The following SARM1 variants were observed in gnomAD, a reference collection of about 807,000 sequenced individuals.
The protein encoded by SARM1 is NAD(+) hydrolase SARM1.
A neutral mutation model predicts 65.1 loss-of-function variants in SARM1; 60 were observed. The observed-to-expected ratio is 0.92, with a 90% CI of 0.75 to 1.14. The LOEUF (loss-of-function observed/expected upper bound fraction) is 1.14, where lower values mean the gene tolerates loss of function less well. Ranked by LOEUF, SARM1 falls within the 50% of genes most tolerant of loss-of-function variation. The probability of loss-of-function intolerance (pLI) is 0.00; values close to 1 mark genes in which losing one functional copy is unlikely to be tolerated. For missense variants in SARM1, 913 were observed against 1,015.7 expected, an observed-to-expected ratio of 0.90 and a Z score of 1.37; for synonymous variants, 417 against 465.4, an observed-to-expected ratio of 0.90 and a Z score of 1.34.
chr17:28,384,837 AG>A lies in SARM1; in HGVS notation c.1303del. On this transcript the variant is annotated splice_acceptor_variant, in intron 3 of 8. Transcript: ENST00000585482. LOFTEE classifies it high-confidence loss of function. The surrounding 1 kb of genome is among the most constrained non-coding windows in gnomAD (Gnocchi z 4.4). ...CTTCCTGACACCCGACTCCTCCCCC[AG>A]GAGCAGCAGGTGGATGGCGACCTGC... The A allele has an allele frequency of 5.8e-6, 9 of 1,552,494 alleles. No individual in the cohort carries two copies. Among genetic ancestry groups the A allele is most frequent in the Non-Finnish European group, 7.8e-6 (9 of 1,147,400 alleles).
intron 7 of SARM1, 59 bp downstream of exon 7, chr17:28,388,598 G>T (rs1555586469): frequency 1.3e-6 from 2 of 1,535,914 alleles, no homozygotes; most frequent in Non-Finnish European, 1.8e-6. Context: ...AGAAGATAGG[G>T]TCGTCTTCTA....
Position 28,372,028 on chromosome 17 carries a change from C to G in SARM1, c.-5C>G. 6.7e-7 allele frequency: 1 copy of G among 1,489,746 alleles called. No individual in the cohort carries two copies. The allele number at this position is 1,489,746 out of a possible 1,614,324, so 92.3% of individuals were successfully genotyped here. A position where few individuals can be genotyped will look rare whatever the true frequency, so the allele number is the denominator to read the frequency against. ...GCCGGGGATGTCCCCCGCGGCCCCG[C>G]GCCCATGGTCCTGACGCTGCTTCTC... On this transcript the variant is annotated 5_prime_UTR_variant, in exon 1 of 9. Coordinates refer to ENST00000585482, the MANE Select transcript of SARM1 (RefSeq NM_015077.4). This position sits in a 1 kb window ranked among gnomAD's most constrained non-coding sequence, Gnocchi z 5.2.
intron 1 of SARM1, among the ~76,000 whole-genome samples, chr17:28,375,725 C>T (rs1463495293): frequency 4.6e-5 from 7 of 151,836 alleles, no homozygotes; most frequent in Non-Finnish European, 1.0e-4. Context: ...AATCTCAGAA[C>T]TTTAGGAGGC....
chr17:28,378,578 A>G (rs1214754787), intron 1 of SARM1, among the ~76,000 whole-genome samples: 1 of 151,724 alleles, frequency 6.6e-6, no homozygotes, highest in Non-Finnish European at 1.5e-5. Flanking sequence ...AGCACATTCT[A>G]TTTCTTACTT....
rs542388163 is a variant in SARM1, at chr17:28,398,883, T to C, written c.*2597T>C. On this transcript the variant is annotated 3_prime_UTR_variant, in exon 9 of 9. Coordinates refer to ENST00000585482, the MANE Select transcript of SARM1 (RefSeq NM_015077.4). ...TGCTCAAGGTTGCACAGCGAGTCAG[T>C]AGAAGCCCTGGCTGGCCCCACTTGG... 1 of 152,356 alleles carries C rather than the reference T, an allele frequency of 6.6e-6. No individual in the cohort carries two copies. Among genetic ancestry groups the C allele is most frequent in the African/African-American group, 2.4e-5 (1 of 41,562 alleles). 9.4% of individuals were successfully genotyped at this position (152,356 alleles called of 1,614,324 possible).
rs1567808174 is a variant in SARM1 at position 28,385,152 on chromosome 17, T to TA, written c.1508dup (p.Tyr503Ter). The TA allele has an allele frequency of 6.2e-7, 1 of 1,613,058 alleles. No individual in the cohort carries two copies. Among genetic ancestry groups the TA allele is most frequent in the South Asian group, 1.1e-5 (1 of 91,018 alleles). ...SLDPRFRQYT[Y>*]GLVSCGLDRS... ...GGACCCGCGCTTCCGCCAGTACACC[T>TA]ACGGCCTGGTCAGCTGCGGCCTGGA... Residue 503 changes from tyrosine (Y) to a stop codon, truncating the protein, a stop_gained and frameshift_variant, in exon 5 of 9, where the codon TAC (tyrosine) becomes TAAC (stop). Transcript: ENST00000585482. LOFTEE classifies it high-confidence loss of function. The surrounding 1 kb of genome is among the most constrained non-coding windows in gnomAD (Gnocchi z 4.5).
chr17:28,396,187 T>C lies in SARM1; in HGVS notation c.2076T>C (p.Ile692=). The stretch of plus-strand genomic sequence containing the variant: ...CCCACGAATACCAGGAGGCCACCAT[T>C]GAGAAGATCATCCGCTTCCTGCAGG... ...KWSHEYQEAT[I]EKIIRFLQGR... Residue 692 remains isoleucine (I), a synonymous_variant, in exon 9 of 9, where the codon ATT becomes ATC. Coordinates refer to ENST00000585482, the MANE Select transcript of SARM1 (RefSeq NM_015077.4). 1 of 1,613,942 alleles carries C rather than the reference T, an allele frequency of 6.2e-7. No homozygotes were observed. Among genetic ancestry groups the C allele is most frequent in the Non-Finnish European group, 8.5e-7 (1 of 1,179,846 alleles).
rs1555586419 is a variant in SARM1 at position 28,388,454 on chromosome 17, G to A, written c.1838G>A (p.Gly613Asp). The A allele has an allele frequency of 1.9e-6, 3 of 1,613,998 alleles. No individual in the cohort carries two copies. Among genetic ancestry groups the A allele is most frequent in the Non-Finnish European group, 2.5e-6 (3 of 1,179,898 alleles). ...GACAAACTCATCCAGAGTGTCATGG[G>A]TGCCCGCAACTTTGTGTTGGTGCTA... ...FEDKLIQSVM[G>D]ARNFVLVLSP... Residue 613 changes from glycine (G) to aspartate (D), a missense_variant, in exon 7 of 9, where the codon GGT becomes GAT. Physicochemically the swap from Gly to Asp is moderately conservative, Grantham distance 94. Around this residue, in one of 3 missense-constraint regions of SARM1, gnomAD observed 862 missense variants for 952.1 expected, o/e 0.91. Coordinates refer to ENST00000585482, the MANE Select transcript of SARM1 (RefSeq NM_015077.4).
chr17:28,392,412 G>A (rs933030024), intron 7 of SARM1, among the ~76,000 whole-genome samples: 6 of 152,094 alleles, frequency 3.9e-5, no homozygotes, highest in Admixed American at 2.0e-4. Flanking sequence ...CACCACACAC[G>A]GCCGCCATTA....
rs371677850 is a variant in SARM1, at chr17:28,384,830, C to T, written c.1303-9C>T. 2 of 1,552,078 alleles carry T rather than the reference C, an allele frequency of 1.3e-6. No homozygotes were observed. The highest frequency in any genetic ancestry group is 2.0e-5 in the Admixed American group (1 of 51,082). On this transcript the variant is annotated splice_polypyrimidine_tract_variant and intron_variant, in intron 3 of 8. Transcript: ENST00000585482. The surrounding 1 kb of genome is among the most constrained non-coding windows in gnomAD (Gnocchi z 4.4). The stretch of plus-strand genomic sequence containing the variant: ...CGAAGCCCTTCCTGACACCCGACTC[C>T]TCCCCCAGGAGCAGCAGGTGGATGG...
Position 28,381,385 on chromosome 17 carries a change from C to A in SARM1, c.653C>A (p.Thr218Lys), listed in dbSNP as rs371692238. 3.0e-5 allele frequency: 47 copies of A among 1,560,248 alleles called. 1 individual carries two copies. In the African/African-American group the frequency reaches 5.1e-4, roughly 17 times the overall value. Residue 218 changes from threonine (T) to lysine (K), a missense_variant, in exon 2 of 9, where the codon ACG becomes AAG. Thr to Lys is a moderately conservative substitution (Grantham distance 78). Coordinates refer to ENST00000585482, the MANE Select transcript of SARM1 (RefSeq NM_015077.4). ...LDAVLYWCRR[T>K]DPALLRHCAL... ...GCGGTGCTGTATTGGTGCCGCCGCA[C>A]GGACCCCGCGCTGCTGCGCCACTGC...
At position 28,372,511 on chromosome 17, in the gene SARM1, G is replaced by T. The variant is rs543166922; in HGVS notation, c.470+9G>T. 3.0e-4 allele frequency: 450 copies of T among 1,520,426 alleles called. 1 individual carries two copies. The African/African-American group carries it at 5.3e-3, about 18-fold the overall frequency. 94.2% of individuals were successfully genotyped at this position (1,520,426 alleles called of 1,614,324 possible). A position where few individuals can be genotyped will look rare whatever the true frequency, so the allele number is the denominator to read the frequency against. On this transcript the variant is annotated intron_variant, in intron 1 of 8. Transcript: ENST00000585482. This position sits in a 1 kb window ranked among gnomAD's most constrained non-coding sequence, Gnocchi z 5.2. ...CTGGTGGCTGAGAACCGGTGAGCGC[G>T]CCAGGCCGGGGTTGGGAGAGCGCCG... is the stretch of plus-strand genomic sequence containing the variant.
Position 28,388,506 on chromosome 17 carries a change from G to A in SARM1, c.1890G>A (p.Met630Ile). Residue 630 changes from methionine (M) to isoleucine (I), a missense_variant, in exon 7 of 9, where the codon ATG becomes ATA. By Grantham distance (10) the Met-to-Ile change is conservative (BLOSUM62 1). This residue lies in a region of SARM1 where 862 missense variants were observed against 952.1 expected (regional missense o/e 0.91). Coordinates refer to ENST00000585482, the MANE Select transcript of SARM1 (RefSeq NM_015077.4). ...VLSPGALDKC[M>I]QDHDCKDWVH... ...CACCTGGAGCACTGGACAAGTGCAT[G>A]CAAGACCATGACTGCAAGGATTGGG... The A allele has an allele frequency of 6.2e-7, 1 of 1,613,800 alleles. No homozygotes were observed. Among genetic ancestry groups the A allele is most frequent in the Non-Finnish European group, 8.5e-7 (1 of 1,179,892 alleles).
At position 28,381,331 on chromosome 17, in the gene SARM1, A is replaced by G; in HGVS notation, c.599A>G (p.Gln200Arg). ...TTCAAGCATTCGGAGGAGACATGCC[A>G]GAGGCTGGTGGCGGCCGGCGGCCTG... The part of the protein sequence containing the change: ...HMFKHSEETC[Q>R]RLVAAGGLDA... The change falls in exon 2 of 9, where the codon CAG (glutamine) becomes CGG (arginine). Residue 200 changes from glutamine to arginine, a missense_variant. Gln to Arg is a conservative substitution (Grantham distance 43). Coordinates refer to ENST00000585482, the MANE Select transcript of SARM1 (RefSeq NM_015077.4). 1 of 1,598,162 alleles carries G rather than the reference A, an allele frequency of 6.3e-7. No individual in the cohort carries two copies. Among genetic ancestry groups the G allele is most frequent in the Non-Finnish European group, 8.5e-7 (1 of 1,173,266 alleles).
chr17:28,386,077 C>G (rs1280919189), intron 5 of SARM1, among the ~76,000 whole-genome samples: 2 of 152,078 alleles, frequency 1.3e-5, no homozygotes, highest in Non-Finnish European at 2.9e-5. Context: ...GCGGATCGCT[C>G]AAGTCCAGGA....
chr17:28,391,731 G>C (rs997178156), intron 7 of SARM1, among the ~76,000 whole-genome samples: 1 of 142,322 alleles, frequency 7.0e-6, no homozygotes, highest in East Asian at 2.0e-4. Flanking sequence ...AAAAAAAAGA[G>C]AGAGAGAGAG....
rs1307877515 is a variant in SARM1 at position 28,381,457 on chromosome 17, A to C, written c.725A>C (p.Gln242Pro). 1.3e-6 allele frequency: 2 copies of C among 1,550,174 alleles called. No individual in the cohort carries two copies. The highest frequency in any genetic ancestry group is 2.7e-5 in the African/African-American group (2 of 73,070). The stretch of plus-strand genomic sequence containing the variant: ...GCGCTGCACGGGGGCCAGGCGGTGC[A>C]GCGACGCATGGTAGAGAAGCGCGCA... ...NCALHGGQAV[Q>P]RRMVEKRAAE... The change falls in exon 2 of 9, where the codon CAG (glutamine) becomes CCG (proline). Residue 242 changes from glutamine (Q) to proline (P), a missense_variant. By Grantham distance (76) the Gln-to-Pro change is moderately conservative. This residue lies in a region of SARM1 where 862 missense variants were observed against 952.1 expected (regional missense o/e 0.91). Coordinates refer to ENST00000585482, the MANE Select transcript of SARM1 (RefSeq NM_015077.4).
At position 28,385,091 on chromosome 17, in the gene SARM1, C is replaced by A. The variant is rs2068043698; in HGVS notation, c.1446C>A (p.Cys482Ter). ...ELKTFANYSTCDRSNLADWLG... is the reference protein window; with the variant it reads ...ELKTFANYST ...AGACCTTCGCCAACTATTCTACGTG[C>A]GACCGCAGCAACCTGGCGGACTGGC... Residue 482 changes from cysteine (C) to a stop codon, truncating the protein, a stop_gained, in exon 5 of 9, where the codon TGC (cysteine) becomes TGA (stop). Transcript: ENST00000585482. LOFTEE classifies it high-confidence loss of function. This position sits in a 1 kb window ranked among gnomAD's most constrained non-coding sequence, Gnocchi z 4.5. 1 of 1,613,918 alleles carries A rather than the reference C, an allele frequency of 6.2e-7. No homozygotes were observed. Among genetic ancestry groups the A allele is most frequent in the South Asian group, 1.1e-5 (1 of 91,060 alleles).
rs782670194 is a variant in SARM1, at chr17:28,384,525, T to C, written c.1258T>C (p.Trp420Arg). 6.2e-7 allele frequency: 1 copy of C among 1,612,948 alleles called. No individual in the cohort carries two copies. The highest frequency in any genetic ancestry group is 8.5e-7 in the Non-Finnish European group (1 of 1,179,556). ...PSWKEAEVQTWLQQIGFSKYC... is the reference protein window; with the variant it reads ...PSWKEAEVQTRLQQIGFSKYC... ...CTGGAAGGAGGCCGAGGTTCAGACG[T>C]GGCTGCAGCAGATCGGTTTCTCCAA... Residue 420 changes from tryptophan (W) to arginine (R), a missense_variant, in exon 3 of 9, where the codon TGG becomes CGG. Transcript: ENST00000585482. The surrounding 1 kb of genome is among the most constrained non-coding windows in gnomAD (Gnocchi z 4.4).
Sources: gnomAD v4.1 joint callset for allele counts (sites outside exome capture counted in the v4.1 genomes callset) on GRCh38, gnomAD v4.1.1 for gene constraint, gnomAD v4.1.1 regional missense constraint, Gnocchi (gnomAD v3.1) non-coding constraint, MANE v1.5 for transcripts, NCBI Gene and HGNC (gene_info 2026-07-23, HGNC 2026-07-21) for gene names.